The following ELAPOR2 variants were observed in gnomAD, a reference collection of about 807,000 sequenced individuals.
ELAPOR2 encodes the protein endosome/lysosome-associated apoptosis and autophagy regulator family member 2.
Under a neutral mutation model 120.7 loss-of-function variants are expected in ELAPOR2, and 89 were observed. The observed-to-expected ratio is 0.74, with a 90% CI of 0.62 to 0.88. The LOEUF (loss-of-function observed/expected upper bound fraction) is 0.88, where lower values mean the gene tolerates loss of function less well. Ranked by LOEUF, ELAPOR2 falls within the 40% of genes least tolerant of loss-of-function variation. ELAPOR2 has a pLI of 0.00. For synonymous variants in ELAPOR2, 444 were observed against 444.9 expected (o/e 1.00, Z 0.03); for missense variants, 1,134 against 1,251.6 (o/e 0.91, Z 1.42).
chr7:86,907,343 C>T (rs1203313311), intron 18 of ELAPOR2, among the ~76,000 whole-genome samples: 2 of 151,918 alleles, frequency 1.3e-5, no homozygotes, highest in Non-Finnish European at 2.9e-5. Context: ...ACTAATCCAG[C>T]TCTCAAGGAA....
At chr7:87,009,169 A>G (rs887937786) in intron 1 of ELAPOR2, among the ~76,000 whole-genome samples, 16 of 152,208 alleles carry the variant, frequency 1.1e-4, no homozygotes, top group Admixed American at 3.9e-4. Flanking sequence ...TAAGACATAA[A>G]TGCAACTAAC....
chr7:87,023,271 CT>C (rs1288431176), intron 1 of ELAPOR2, among the ~76,000 whole-genome samples: 5 of 152,304 alleles, frequency 3.3e-5, no homozygotes, highest in Non-Finnish European at 7.3e-5. Flanking sequence ...CCAGTTTCAG[CT>C]TTCTACATAT....
intron 16 of ELAPOR2, among the ~76,000 whole-genome samples, chr7:86,909,104 T>C (rs968031872): frequency 1.4e-4 from 22 of 151,944 alleles, no homozygotes; most frequent in Non-Finnish European, 2.8e-4. Context: ...AAACTTTGCT[T>C]CAGAGTTCCC....
At chr7:86,884,632 G>C (rs1244130599) in intron 21 of ELAPOR2, among the ~76,000 whole-genome samples, 1 of 152,108 alleles carries the variant, frequency 6.6e-6, no homozygotes, top group Non-Finnish European at 1.5e-5. Flanking sequence ...ATTCATCCTG[G>C]TAGGCAAAGG....
chr7:86,988,816 T>C (rs935734908), intron 1 of ELAPOR2, among the ~76,000 whole-genome samples: 3 of 152,298 alleles, frequency 2.0e-5, no homozygotes, highest in East Asian at 3.9e-4. Flanking sequence ...ATAGAACCGA[T>C]CATGCAGCCT....
chr7:86,949,357 G>A (rs991559456), intron 2 of ELAPOR2, among the ~76,000 whole-genome samples: 1 of 152,146 alleles, frequency 6.6e-6, no homozygotes, highest in Non-Finnish European at 1.5e-5. Context: ...GGGCTATACT[G>A]ATGGCAGCAG....
At chr7:87,053,599 ATTCATCTATATGGGGTGGGGGGC>A (rs1355887579) in intron 1 of ELAPOR2, among the ~76,000 whole-genome samples, 5 of 152,172 alleles carry the variant, frequency 3.3e-5, no homozygotes, top group African/African-American at 1.2e-4. Context: ...AGCACAACTC[ATTCATCTATATGGGGTGGGGGGC>A]TGTGCGTGCA....
chr7:86,899,206 C>A (rs1226040910), intron 18 of ELAPOR2, among the ~76,000 whole-genome samples: 1 of 152,128 alleles, frequency 6.6e-6, no homozygotes, highest in Non-Finnish European at 1.5e-5. Context: ...GACAGGTAAA[C>A]ATAGCATGGC....
intron 20 of ELAPOR2, among the ~76,000 whole-genome samples, chr7:86,892,288 T>C (rs1022002606): frequency 6.6e-6 from 1 of 152,076 alleles, no homozygotes; most frequent in Non-Finnish European, 1.5e-5. Context: ...TTGGTCTTTA[T>C]CATCTCTCTA....
At chr7:86,893,992 G>A (rs746827475) in intron 19 of ELAPOR2, among the ~76,000 whole-genome samples, 6 of 152,018 alleles carry the variant, frequency 3.9e-5, no homozygotes, top group African/African-American at 7.2e-5. Context: ...ATCTTTTAAC[G>A]TGTCTCATTA....
At chr7:86,916,752 G>A (rs1409160093) in intron 12 of ELAPOR2, among the ~76,000 whole-genome samples, 2 of 151,968 alleles carry the variant, frequency 1.3e-5, no homozygotes, top group Non-Finnish European at 2.9e-5. Flanking sequence ...ACTGCTATAG[G>A]CCATAAAAAG....
At chr7:87,022,016 A>C (rs1055427154) in intron 1 of ELAPOR2, among the ~76,000 whole-genome samples, 1 of 152,176 alleles carries the variant, frequency 6.6e-6, no homozygotes, top group African/African-American at 2.4e-5. Flanking sequence ...TCAAATGAGT[A>C]AATAAGGCCT....
At chr7:86,905,342 A>G (rs964861292) in intron 18 of ELAPOR2, among the ~76,000 whole-genome samples, 1 of 151,914 alleles carries the variant, frequency 6.6e-6, no homozygotes, top group Non-Finnish European at 1.5e-5. Flanking sequence ...CAAAACAAAC[A>G]AACAAAAAAA....
In ELAPOR2 at chr7:86,908,498, T is replaced by C; in HGVS notation, c.2405A>G (p.Asp802Gly). The C allele has an allele frequency of 1.3e-6, 2 of 1,584,828 alleles. No individual in the cohort carries two copies. The highest frequency in any genetic ancestry group is 1.7e-6 in the Non-Finnish European group (2 of 1,164,944). Residue 802 changes from aspartate to glycine, a missense_variant, in exon 17 of 22, where the codon GAT becomes GGT. Around this residue, in one of 3 missense-constraint regions of ELAPOR2, gnomAD observed 831 missense variants for 867.6 expected, o/e 0.96. Coordinates refer to ENST00000450689, the MANE Select transcript of ELAPOR2 (RefSeq NM_001142749.3). The stretch of plus-strand genomic sequence containing the variant: ...TTGGCTTGTTGGAACTGGGAACATA[T>C]CTTCTTTTATATTAATATTTTTCAA... ...TTLKNINIKE[D>G]MFPVPTSQIP... is the part of the protein sequence containing the mutation.
intron 8 of ELAPOR2, among the ~76,000 whole-genome samples, chr7:86,936,328 A>C (rs752473658): frequency 1.1e-4 from 17 of 151,992 alleles, no homozygotes; most frequent in Non-Finnish European, 2.1e-4. Flanking sequence ...AGCAATCCTC[A>C]TGCCTCAGCC....
At chr7:86,966,194 A>T (rs1791896237) in intron 1 of ELAPOR2, among the ~76,000 whole-genome samples, 1 of 152,280 alleles carries the variant, frequency 6.6e-6, no homozygotes, top group South Asian at 2.1e-4. Flanking sequence ...AGCTCATCTT[A>T]CAAGTTTTGC....
intron 8 of ELAPOR2, among the ~76,000 whole-genome samples, chr7:86,932,984 T>C (rs1218713739): frequency 6.6e-6 from 1 of 151,912 alleles, no homozygotes; most frequent in Non-Finnish European, 1.5e-5. Flanking sequence ...TACATATTCT[T>C]AATGTCTTTA....
chr7:86,952,451 T>C (rs1451280417), intron 2 of ELAPOR2, among the ~76,000 whole-genome samples: 1 of 152,198 alleles, frequency 6.6e-6, no homozygotes, highest in Admixed American at 6.5e-5. Flanking sequence ...TTCAAAAAAT[T>C]ATTACAACCA....
At position 86,984,195 on chromosome 7, in the gene ELAPOR2, G is replaced by C. The variant is rs1792622595; in HGVS notation, c.190-19171C>G. On this transcript the variant is annotated intron_variant, in intron 1 of 21. Coordinates refer to ENST00000450689, the MANE Select transcript of ELAPOR2 (RefSeq NM_001142749.3). ...CCTAGATTCATAAAGCAAGTCCTTAGAAACTTAAAAAAAAGACTTAGACTC... is the reference window on the plus strand; with the variant it reads ...CCTAGATTCATAAAGCAAGTCCTTACAAACTTAAAAAAAAGACTTAGACTC... Among the ~76,000 whole-genome samples, 5 of 152,118 alleles carry C rather than the reference G, an allele frequency of 3.3e-5. No individual in the cohort carries two copies. The South Asian group carries it at 1.0e-3, about 32-fold the overall frequency.
Sources: allele counts gnomAD v4.1 joint callset (sites outside exome capture counted in the v4.1 genomes callset), GRCh38; gene constraint gnomAD v4.1.1; regional missense constraint gnomAD v4.1.1; transcripts MANE v1.5; gene names NCBI Gene and HGNC (gene_info 2026-07-23, HGNC 2026-07-21).